Variants in PDXDC1 observed in about 807,000 individuals in gnomAD.
PDXDC1 encodes the protein pyridoxal-dependent decarboxylase domain-containing protein 1.
PDXDC1 carries 42 observed loss-of-function variants against 100.1 expected under a neutral mutation model. The ratio of observed to expected loss-of-function variants is 0.42; its 90% confidence interval spans 0.33 to 0.54. PDXDC1 has a LOEUF of 0.54. Ranked by LOEUF, PDXDC1 falls within the 20% of genes least tolerant of loss-of-function variation. The pLI is 0.10. For missense variants in PDXDC1, 636 were observed against 979.2 expected, an observed-to-expected ratio of 0.65 and a Z score of 4.68; for synonymous variants, 260 against 371.7, an observed-to-expected ratio of 0.70 and a Z score of 3.46.
downstream of PDXDC1, chr16:15,040,256 C>T (rs2043753349): frequency 4.6e-6 from 2 of 431,020 alleles, no homozygotes; most frequent in Non-Finnish European, 8.2e-6. Context: ...CGGTGAAAAT[C>T]GCTGAGGCTC....
chr16:14,991,524 C>CTCTTTT (rs1313041416), intron 1 of PDXDC1, among the ~76,000 whole-genome samples: 1 of 136,068 alleles, frequency 7.3e-6, no homozygotes. Flanking sequence ...TGTATTTTGT[C>CTCTTTT]TATTTTTTTT....
chr16:15,143,301 C>CCTGGAG (rs2048503522), downstream of PDXDC1, among the ~76,000 whole-genome samples: 1 of 152,146 alleles, frequency 6.6e-6, no homozygotes, highest in Admixed American at 6.5e-5. Flanking sequence ...CCTTGCCAAT[C>CCTGGAG]CTGGAGCAGG....
At chr16:15,044,411 G>T in intron 16 of PDXDC1, 1 of 1,609,424 alleles carries the variant, frequency 6.2e-7, no homozygotes. Context: ...TTCCAGCCTG[G>T]CAAAGAGATG....
chr16:15,069,004 T>C (rs1369642700), intron 16 of PDXDC1, among the ~76,000 whole-genome samples: 1 of 152,204 alleles, frequency 6.6e-6, no homozygotes, highest in African/African-American at 2.4e-5. Flanking sequence ...CATTAATTTA[T>C]ACAAAGAAAA....
intron 16 of PDXDC1, among the ~76,000 whole-genome samples, chr16:15,095,516 A>C (rs2046322274): frequency 6.6e-6 from 1 of 152,186 alleles, no homozygotes; most frequent in Non-Finnish European, 1.5e-5. Context: ...TGGGCAACAG[A>C]GTGAGACCCT....
intron 16 of PDXDC1, among the ~76,000 whole-genome samples, chr16:15,081,460 T>C (rs1177025066): frequency 2.0e-5 from 3 of 152,226 alleles, no homozygotes; most frequent in Non-Finnish European, 4.4e-5. Context: ...GCTAATGATG[T>C]TGAGCTTCTT....
At position 14,996,434 on chromosome 16, in the gene PDXDC1, A is replaced by G. The variant is rs1308656330; in HGVS notation, c.22-1319A>G. ...TTATATATGATATTATATGTATTAT[A>G]TGTAATATAATATATAATATATAAT... On this transcript the variant is annotated intron_variant, in intron 1 of 22. Transcript: ENST00000396410. 8 of 270,508 alleles carry G rather than the reference A, an allele frequency of 3.0e-5. No homozygotes were observed. The Admixed American group carries it at 3.6e-4, about 12-fold the overall frequency. The allele number at this position is 270,508 out of a possible 1,614,324, so 16.8% of individuals were successfully genotyped here. A position where few individuals can be genotyped will look rare whatever the true frequency, so the allele number is the denominator to read the frequency against.
downstream of PDXDC1, chr16:15,038,616 A>G (rs1357654894): frequency 3.1e-6 from 5 of 1,609,018 alleles, no homozygotes; most frequent in Non-Finnish European, 3.4e-6. Flanking sequence ...AGAAATCCAC[A>G]TGTGGAAATG....
At position 15,036,323 on chromosome 16, in the gene PDXDC1, A is replaced by AT; in HGVS notation, c.*49dup. The AT allele has an allele frequency of 2.7e-6, 4 of 1,497,310 alleles. No homozygotes were observed. The highest frequency in any genetic ancestry group is 3.7e-6 in the Non-Finnish European group (4 of 1,093,700). The allele number at this position is 1,497,310 out of a possible 1,614,324, so 92.8% of individuals were successfully genotyped here. Reference sequence around the variant, plus strand: ...TGTACTGAGTATTGTTTCAGGGAAGATGAAGTTCTATTGGAAATGTGAACT... The same window carrying AT: ...TGTACTGAGTATTGTTTCAGGGAAGATTGAAGTTCTATTGGAAATGTGAACT... On this transcript the variant is annotated 3_prime_UTR_variant, in exon 23 of 23. Coordinates refer to ENST00000396410, the MANE Select transcript of PDXDC1 (RefSeq NM_015027.4).
intron 16 of PDXDC1, among the ~76,000 whole-genome samples, chr16:15,093,760 T>A (rs1205029568): frequency 1.3e-5 from 2 of 151,990 alleles, no homozygotes; most frequent in Admixed American, 6.6e-5. Context: ...ACAAAAAAGA[T>A]GTAATATTCA....
chr16:15,150,051 A>T, the PDXDC1 span, among the ~76,000 whole-genome samples: 4 of 152,006 alleles, frequency 2.6e-5, no homozygotes, highest in Non-Finnish European at 4.4e-5. Flanking sequence ...CCTAGACATC[A>T]TCGGACATTT....
chr16:15,145,975 C>A, the PDXDC1 span, among the ~76,000 whole-genome samples: 1 of 152,212 alleles, frequency 6.6e-6, no homozygotes, highest in Non-Finnish European at 1.5e-5. Flanking sequence ...AGATCCCAGG[C>A]AGGGTCTCCC....
At chr16:15,109,515 G>C (rs1224185767) in intron 16 of PDXDC1, among the ~76,000 whole-genome samples, 1 of 148,172 alleles carries the variant, frequency 6.7e-6, no homozygotes, top group Non-Finnish European at 1.5e-5. Context: ...AAATTATCTG[G>C]GCATGGTGGC....
intron 16 of PDXDC1, chr16:15,125,902 G>A (rs942921955): frequency 8.1e-5 from 56 of 691,556 alleles, no homozygotes; most frequent in Non-Finnish European, 1.4e-4. Context: ...ACAGAGCCCG[G>A]TGCCATCTGA....
downstream of PDXDC1, chr16:15,038,486 C>A: frequency 1.3e-6 from 1 of 770,516 alleles, no homozygotes; most frequent in Non-Finnish European, 2.2e-6. Flanking sequence ...GGGAAAGCAG[C>A]TATGACCTGG....
intron 3 of PDXDC1, among the ~76,000 whole-genome samples, chr16:15,001,400 G>T (rs1973119177): frequency 6.6e-6 from 1 of 152,286 alleles, no homozygotes; most frequent in Non-Finnish European, 1.5e-5. Flanking sequence ...GAGGCAGGAG[G>T]ATCGCTTAAA....
intron 16 of PDXDC1, among the ~76,000 whole-genome samples, chr16:15,087,342 C>T (rs1452151559): frequency 6.6e-6 from 1 of 152,094 alleles, no homozygotes; most frequent in Non-Finnish European, 1.5e-5. Context: ...TTAGTTATTC[C>T]CATTTTGCTG....
At chr16:15,038,358 G>GTTGAAAGTTGA (rs1555578425), downstream of PDXDC1, 8 of 657,894 alleles carry the variant, frequency 1.2e-5, no homozygotes, top group Admixed American at 1.6e-4. Flanking sequence ...TAAGAAAAAA[G>GTTGAAAGTTGA]TTGATTGCTT....
intron 16 of PDXDC1, among the ~76,000 whole-genome samples, chr16:15,057,484 G>T (rs768696845): frequency 4.5e-4 from 68 of 152,302 alleles, no homozygotes; most frequent in Non-Finnish European, 9.3e-4. Context: ...ACCTAGCTTT[G>T]CATGATTCCA....
Sources: gnomAD v4.1 joint callset for allele counts (sites outside exome capture counted in the v4.1 genomes callset) on GRCh38, gnomAD v4.1.1 for gene constraint, MANE v1.5 for transcripts, NCBI Gene and HGNC (gene_info 2026-07-23, HGNC 2026-07-21) for gene names.